Variants in MICU1 observed in about 807,000 individuals in gnomAD.
MICU1 encodes the protein mitochondrial calcium uptake 1, also known as calcium uptake protein 1, mitochondrial.
In MICU1, 45 loss-of-function variants were observed where a neutral mutation model predicts 56.8. That is an observed-to-expected ratio of 0.79 (90% CI 0.62 to 1.02). The LOEUF is 1.02. MICU1 is among the 50% of genes least tolerant of loss of function. MICU1 has a pLI of 0.00. For synonymous variants in MICU1, 186 were observed against 195.1 expected, an observed-to-expected ratio of 0.95 and a Z score of 0.39; for missense variants, 504 against 587.1, an observed-to-expected ratio of 0.86 and a Z score of 1.46.
chr10:72,492,527 T>C lies in MICU1; in HGVS notation c.653-15271A>G, dbSNP rs567669350. 4.7e-3 allele frequency among the ~76,000 whole-genome samples: 707 copies of C among 150,882 alleles called. 4 individuals are homozygous for C. The highest frequency in any genetic ancestry group is 0.017 in the African/African-American group (680 of 41,074). On this transcript the variant is annotated intron_variant, in intron 6 of 11. Coordinates refer to ENST00000361114, the MANE Select transcript of MICU1 (RefSeq NM_001195518.2). ...CCTGTAATCCCAGCACGTTGGGAGGTTGAGGCGGATGGATCACCTGAGGTC... is the reference window on the plus strand; with the variant it reads ...CCTGTAATCCCAGCACGTTGGGAGGCTGAGGCGGATGGATCACCTGAGGTC...
At chr10:72,608,729 A>C (rs1841759304) in intron 1 of MICU1, among the ~76,000 whole-genome samples, 1 of 152,190 alleles carries the variant, frequency 6.6e-6, no homozygotes, top group East Asian at 1.9e-4. Context: ...GATCGGCCTA[A>C]ATGTTTCTCC....
intron 11 of MICU1, 29 bp downstream of exon 11, chr10:72,375,754 C>T (rs775252291): frequency 6.6e-5 from 105 of 1,598,930 alleles, no homozygotes; most frequent in Non-Finnish European, 8.6e-5. Flanking sequence ...AGGCTGTTTC[C>T]CCTCCGGGCT....
At chr10:72,448,010 CT>C (rs758098928) in intron 8 of MICU1, among the ~76,000 whole-genome samples, 2 of 151,688 alleles carry the variant, frequency 1.3e-5, no homozygotes, top group East Asian at 3.9e-4. Context: ...TGACCCACCC[CT>C]TCTTTGATTG....
intron 1 of MICU1, among the ~76,000 whole-genome samples, chr10:72,576,990 A>G (rs937573970): frequency 6.6e-6 from 1 of 152,256 alleles, no homozygotes; most frequent in Non-Finnish European, 1.5e-5. Flanking sequence ...ACACCATGGA[A>G]TATTACTTAG....
At chr10:72,569,206 C>CATATATATATAT (rs1211580394) in intron 1 of MICU1, among the ~76,000 whole-genome samples, 7 of 68,058 alleles carry the variant, frequency 1.0e-4, no homozygotes, top group African/African-American at 4.3e-4. Context: ...CATATATATG[C>CATATATATATAT]ATATATATAT....
At position 72,492,779 on chromosome 10, in the gene MICU1, A is replaced by AAATAG. The variant is rs1195052950; in HGVS notation, c.652+15371_652+15375dup. Among the ~76,000 whole-genome samples the AAATAG allele has an allele frequency of 1.2e-3, 160 of 138,010 alleles. 4 individuals carry two copies. The highest frequency in any genetic ancestry group is 3.9e-3 in the African/African-American group (136 of 34,648). The allele number at this position is 138,010 out of a possible 152,430, so 90.5% of individuals were successfully genotyped here. On this transcript the variant is annotated intron_variant, in intron 6 of 11. Coordinates refer to ENST00000361114, the MANE Select transcript of MICU1 (RefSeq NM_001195518.2). Reference sequence around the variant, plus strand: ...CTCTGTCTCAAAATAAATAAAATAAAAATAGAATAGAATAAAATAAAATAA... The same window carrying AAATAG: ...CTCTGTCTCAAAATAAATAAAATAAAAATAGAATAGAATAGAATAAAATAAAATAA...
At chr10:72,535,030 A>ATTTATTTTC in intron 4 of MICU1, among the ~76,000 whole-genome samples, 1 of 140,996 alleles carries the variant, frequency 7.1e-6, no homozygotes, top group Non-Finnish European at 1.5e-5. Context: ...ATTTTATTTT[A>ATTTATTTTC]TTTTATTTAT....
At chr10:72,470,316 G>T (rs1865913308) in intron 8 of MICU1, among the ~76,000 whole-genome samples, 1 of 152,306 alleles carries the variant, frequency 6.6e-6, no homozygotes, top group South Asian at 2.1e-4. Context: ...TTTTATGTAA[G>T]GATGTCATCA....
intron 5 of MICU1, among the ~76,000 whole-genome samples, chr10:72,516,466 T>C (rs1009290842): frequency 2.0e-5 from 3 of 152,244 alleles, no homozygotes; most frequent in Non-Finnish European, 4.4e-5. Context: ...ATTTTGGCTT[T>C]TGCTGCCATT....
At chr10:72,414,283 A>T (rs572707378) in intron 9 of MICU1, among the ~76,000 whole-genome samples, 1 of 152,378 alleles carries the variant, frequency 6.6e-6, no homozygotes, top group South Asian at 2.1e-4. Context: ...ACTCTTCTGC[A>T]ATAGAAAATA....
At chr10:72,553,771 A>C (rs976298397) in intron 3 of MICU1, among the ~76,000 whole-genome samples, 5 of 152,214 alleles carry the variant, frequency 3.3e-5, no homozygotes, top group South Asian at 2.1e-4. Flanking sequence ...AGGTCAAAGA[A>C]AGTAACAGAC....
At chr10:72,513,552 A>G (rs1867551901) in intron 5 of MICU1, among the ~76,000 whole-genome samples, 1 of 152,184 alleles carries the variant, frequency 6.6e-6, no homozygotes, top group African/African-American at 2.4e-5. Flanking sequence ...GAAAAGTTTT[A>G]AATATTGAAG....
chr10:72,385,679 G>A (rs950939814), intron 10 of MICU1, among the ~76,000 whole-genome samples: 12 of 152,080 alleles, frequency 7.9e-5, no homozygotes, highest in Non-Finnish European at 1.3e-4. Context: ...CGTGCCCCCC[G>A]CCCAGTATTT....
chr10:72,534,972 C>T (rs1839585995), intron 4 of MICU1, among the ~76,000 whole-genome samples: 1 of 106,786 alleles, frequency 9.4e-6, no homozygotes, highest in Admixed American at 9.0e-5. Context: ...GAGTTCTAGA[C>T]AATTAAAACT....
In MICU1 at chr10:72,590,980, T is replaced by TA. The variant is rs1841210363; in HGVS notation, c.-1-24187dup. On this transcript the variant is annotated intron_variant, in intron 1 of 11. Coordinates refer to ENST00000361114, the MANE Select transcript of MICU1 (RefSeq NM_001195518.2). ...ACGTGGAACATTTACCAGAATGAGC[T>TA]AAAAGTTAGGCCACAAATTAAGTCT... Among the ~76,000 whole-genome samples the TA allele has an allele frequency of 2.0e-5, 3 of 151,912 alleles. No homozygotes were observed. The South Asian group carries it at 6.2e-4, about 31-fold the overall frequency.
intron 8 of MICU1, among the ~76,000 whole-genome samples, chr10:72,456,075 A>C (rs1865449412): frequency 6.6e-6 from 1 of 152,160 alleles, no homozygotes; most frequent in South Asian, 2.1e-4. Flanking sequence ...AAAGCTAATG[A>C]ATCATGTGGG....
intron 1 of MICU1, among the ~76,000 whole-genome samples, chr10:72,593,791 T>G (rs1486520726): frequency 6.6e-6 from 1 of 152,024 alleles, no homozygotes; most frequent in East Asian, 1.9e-4. Context: ...CCAAAAATAA[T>G]AAAATCTTTA....
intron 1 of MICU1, among the ~76,000 whole-genome samples, chr10:72,603,298 A>G (rs1841592797): frequency 6.6e-6 from 1 of 151,740 alleles, no homozygotes; most frequent in South Asian, 2.1e-4. Flanking sequence ...GAGACACAAG[A>G]ATAGCCTGAA....
chr10:72,423,529 CA>C (rs2132138416), intron 8 of MICU1, among the ~76,000 whole-genome samples, 158 bp from the exon 9 acceptor site: 1 of 152,290 alleles, frequency 6.6e-6, no homozygotes, highest in South Asian at 2.1e-4. Context: ...AACTAAGAAA[CA>C]GAAGATATAG....
Sources: allele counts gnomAD v4.1 joint callset (sites outside exome capture counted in the v4.1 genomes callset), GRCh38; gene constraint gnomAD v4.1.1; transcripts MANE v1.5; gene names NCBI Gene and HGNC (gene_info 2026-07-23, HGNC 2026-07-21).